The following MYDGF variants were observed in gnomAD, a reference collection of about 807,000 sequenced individuals.
MYDGF encodes myeloid derived growth factor.
MYDGF carries 29 observed loss-of-function variants against 24.2 expected under a neutral mutation model. The observed-to-expected ratio is 1.20, with a 90% CI of 0.89 to 1.63. The LOEUF is 1.63. MYDGF is among the 40% of genes most tolerant of loss of function. MYDGF has a pLI of 0.00. For missense variants in MYDGF, 245 were observed against 234.8 expected, an observed-to-expected ratio of 1.04 and a Z score of -0.29; for synonymous variants, 105 against 102.5, an observed-to-expected ratio of 1.02 and a Z score of -0.15.
chr19:4,666,624 T>G (rs995230610), intron 2 of MYDGF, among the ~76,000 whole-genome samples: 4 of 151,790 alleles, frequency 2.6e-5, no homozygotes, highest in Non-Finnish European at 5.9e-5. Context: ...TTCTGGGTGG[T>G]TTTCCCACAG....
Position 4,661,981 on chromosome 19 carries a change from C to G in MYDGF, c.288-1231G>C, listed in dbSNP as rs372993240. Among the ~76,000 whole-genome samples the G allele has an allele frequency of 9.9e-5, 15 of 152,272 alleles. No individual in the cohort carries two copies. The East Asian group carries it at 1.7e-3, about 18-fold the overall frequency. Reference sequence around the variant, plus strand: ...TGGCCTGCAGACAGACGATGGCGACCGTGGGCTTCCCCAAGACTACAGGGC... The same window carrying G: ...TGGCCTGCAGACAGACGATGGCGACGGTGGGCTTCCCCAAGACTACAGGGC... On this transcript the variant is annotated intron_variant, in intron 3 of 5. Transcript: ENST00000262947.
intron 2 of MYDGF, 45 bp downstream of exon 2, chr19:4,668,550 A>T (rs773680717): frequency 1.1e-5 from 17 of 1,547,250 alleles, no homozygotes; most frequent in Middle Eastern, 3.4e-4. Context: ...CCCTACAACA[A>T]TGGATACTGT....
intron 4 of MYDGF, among the ~76,000 whole-genome samples, chr19:4,660,293 T>A (rs890784491): frequency 1.2e-4 from 18 of 150,862 alleles, no homozygotes; most frequent in Non-Finnish European, 8.9e-5. Flanking sequence ...GCCTGGCTAT[T>A]TTTTTTTTAC....
chr19:4,659,983 C>G lies in MYDGF; in HGVS notation c.390G>C (p.Arg130Ser). The change falls in exon 5 of 6, where the codon AGG (arginine) becomes AGC (serine). Residue 130 changes from arginine (R) to serine (S), a missense_variant. Transcript: ENST00000262947. ...AMAYSKAAFERESDVPLKTEE... is the reference protein window; with the variant it reads ...AMAYSKAAFESESDVPLKTEE... ...CAGTTTTCAGAGGGACATCACTTTC[C>G]CTTTCAAATGCGGCTTTAGACTGAA... 2 of 1,614,066 alleles carry G rather than the reference C, an allele frequency of 1.2e-6. No homozygotes were observed. Among genetic ancestry groups the G allele is most frequent in the Non-Finnish European group, 1.7e-6 (2 of 1,180,020 alleles).
At chr19:4,663,877 G>A (rs934285404) in intron 3 of MYDGF, among the ~76,000 whole-genome samples, 6 of 123,692 alleles carry the variant, frequency 4.9e-5, no homozygotes, top group Admixed American at 3.6e-4. Flanking sequence ...CCCAACCCCC[G>A]ACTCCATCCT....
At chr19:4,668,750 C>T in intron 1 of MYDGF, 105 bp from the exon 2 acceptor site, 1 of 874,612 alleles carries the variant, frequency 1.1e-6, no homozygotes, top group Non-Finnish European at 1.9e-6. Context: ...GGCACAATGA[C>T]AGCTCACTGC....
At chr19:4,662,791 C>T (rs1449506568) in intron 3 of MYDGF, among the ~76,000 whole-genome samples, 6 of 152,000 alleles carry the variant, frequency 3.9e-5, no homozygotes, top group Admixed American at 1.3e-4. Flanking sequence ...ACACATTCCC[C>T]GGGAGATAGC....
chr19:4,665,820 CAAAAAAAAAAA>C (rs533879529), intron 2 of MYDGF, among the ~76,000 whole-genome samples: 6 of 45,478 alleles, frequency 1.3e-4, no homozygotes, highest in East Asian at 6.1e-4. Context: ...GACTCTGTCT[CAAAAAAAAAAA>C]AAAAAAAAAA....
intron 3 of MYDGF, among the ~76,000 whole-genome samples, chr19:4,661,328 G>T (rs1031133838): frequency 6.6e-6 from 1 of 152,070 alleles, no homozygotes; most frequent in Non-Finnish European, 1.5e-5. Context: ...TGTGGGCTGG[G>T]AGCTGCTCTG....
At chr19:4,668,788 C>T (rs2088540197) in intron 1 of MYDGF, 143 bp from the exon 2 acceptor site, 1 of 631,002 alleles carries the variant, frequency 1.6e-6, no homozygotes, top group Non-Finnish European at 2.8e-6. Context: ...TTTGAGTAAT[C>T]CTCTTGCCTC....
chr19:4,669,423 CCTGGGCGACAGAGTGAGG>C (rs2088545851), intron 1 of MYDGF, among the ~76,000 whole-genome samples: 1 of 152,074 alleles, frequency 6.6e-6, no homozygotes, highest in South Asian at 2.1e-4. Context: ...TGCACTCCAG[CCTGGGCGACAGAGTGAGG>C]CTCCATCTCA....
intron 1 of MYDGF, among the ~76,000 whole-genome samples, chr19:4,668,939 G>T (rs1002477456): frequency 3.8e-4 from 57 of 151,782 alleles, no homozygotes; most frequent in Admixed American, 3.3e-4. Context: ...TGCCTCCCGG[G>T]TTCAAACGAT....
chr19:4,658,231 T>G (rs1186111444), intron 5 of MYDGF, 147 bp from the exon 6 acceptor site: 2 of 636,166 alleles, frequency 3.1e-6, no homozygotes, highest in African/African-American at 3.7e-5. Context: ...CCCCAGGCAC[T>G]GAAAGTCTTA....
At position 4,668,610 on chromosome 19, in the gene MYDGF, T is replaced by C. The variant is rs750429027; in HGVS notation, c.210A>G (p.Gln70=). The C allele has an allele frequency of 6.2e-7, 1 of 1,613,126 alleles. No individual in the cohort carries two copies. The highest frequency in any genetic ancestry group is 1.1e-5 in the South Asian group (1 of 91,062). ...AACAACTCACCTCATTGGTCCCTCC[T>C]TGAGAGGCGTAAGTGAACATACACG... ...KYTCMFTYAS[Q]GGTNEQWQMS... is the part of the protein sequence containing the mutation. The change falls in exon 2 of 6, where the codon CAA becomes CAG. Residue 70 remains glutamine (Q), a synonymous_variant. Transcript: ENST00000262947.
chr19:4,658,463 G>A (rs886447852), intron 5 of MYDGF, among the ~76,000 whole-genome samples: 1 of 152,196 alleles, frequency 6.6e-6, no homozygotes, highest in Non-Finnish European at 1.5e-5. Context: ...AAGACCTCCT[G>A]CTCAGTGGGT....
intron 2 of MYDGF, among the ~76,000 whole-genome samples, chr19:4,665,213 CTGTT>C (rs112029385): frequency 0.25 from 38,470 of 151,572 alleles, 7,963 homozygotes; most frequent in African/African-American, 0.58. Context: ...AGGAACAACG[CTGTT>C]TGTTTGTTTG....
intron 3 of MYDGF, among the ~76,000 whole-genome samples, chr19:4,663,657 C>T (rs1221030950): frequency 1.8e-5 from 2 of 113,396 alleles, no homozygotes; most frequent in Non-Finnish European, 3.7e-5. Flanking sequence ...CATCCTCATT[C>T]TACAGCCTCC....
intron 3 of MYDGF, 110 bp from the exon 4 acceptor site, chr19:4,660,860 G>T: frequency 1.3e-6 from 1 of 759,964 alleles, no homozygotes; most frequent in Non-Finnish European, 2.1e-6. Context: ...CAGGTCTCGT[G>T]CCTGCTTCTC....
At chr19:4,669,990 G>A (rs1363727692) in intron 1 of MYDGF, among the ~76,000 whole-genome samples, 171 bp downstream of exon 1, 1 of 151,966 alleles carries the variant, frequency 6.6e-6, no homozygotes, top group Non-Finnish European at 1.5e-5. Context: ...GATGACCCCG[G>A]CCTCACGGTC....
Sources: allele counts gnomAD v4.1 joint callset (sites outside exome capture counted in the v4.1 genomes callset), GRCh38; gene constraint gnomAD v4.1.1; transcripts MANE v1.5; gene names NCBI Gene and HGNC (gene_info 2026-07-23, HGNC 2026-07-21).